USH2A: variants seen among roughly 807,000 people sequenced by gnomAD.
The protein encoded by USH2A is usherin.
A neutral mutation model predicts 538.9 loss-of-function variants in USH2A; 443 were observed. That is an observed-to-expected ratio of 0.82 (90% confidence interval 0.76 to 0.89). USH2A has a LOEUF of 0.89. Among genes scored for constraint, USH2A ranks in the 40% least tolerant of loss-of-function variants. USH2A has a pLI of 0.00. For missense variants in USH2A, 6,633 were observed against 6,324.8 expected, an observed-to-expected ratio of 1.05 and a Z score of -1.65; for synonymous variants, 2,413 against 2,273.5, an observed-to-expected ratio of 1.06 and a Z score of -1.75.
intron 9 of USH2A, among the ~76,000 whole-genome samples, chr1:216,317,611 T>G (rs1571694760): frequency 6.6e-6 from 1 of 151,190 alleles, no homozygotes. Flanking sequence ...ACTTTGGGAG[T>G]CCGAGGCAGG....
At chr1:215,819,288 A>G (rs1237138406) in intron 47 of USH2A, among the ~76,000 whole-genome samples, 2 of 151,796 alleles carry the variant, frequency 1.3e-5, no homozygotes, top group Non-Finnish European at 3.0e-5. Flanking sequence ...TTTGCAGGCC[A>G]AATTACTGGA....
At chr1:216,419,854 A>C (rs1048288750) in intron 2 of USH2A, among the ~76,000 whole-genome samples, 7 of 151,982 alleles carry the variant, frequency 4.6e-5, no homozygotes, top group African/African-American at 1.7e-4. Context: ...TGCATCTATC[A>C]CTTGCATCTA....
intron 41 of USH2A, among the ~76,000 whole-genome samples, chr1:215,886,861 T>A: frequency 6.7e-6 from 1 of 150,234 alleles, no homozygotes; most frequent in Non-Finnish European, 1.5e-5. Flanking sequence ...AAAATACTTA[T>A]TTTTTTTTTC....
intron 4 of USH2A, among the ~76,000 whole-genome samples, chr1:216,360,198 A>G (rs2038465389): frequency 6.6e-6 from 1 of 152,124 alleles, no homozygotes; most frequent in South Asian, 2.1e-4. Flanking sequence ...CAACTATGCT[A>G]TATCTAACCA....
intron 37 of USH2A, among the ~76,000 whole-genome samples, chr1:215,947,609 T>A (rs1414585692): frequency 6.6e-6 from 1 of 152,126 alleles, no homozygotes; most frequent in Non-Finnish European, 1.5e-5. Context: ...ACAGATTCTG[T>A]TTAATACATT....
intron 46 of USH2A, among the ~76,000 whole-genome samples, chr1:215,843,979 A>T (rs1663768988): frequency 6.6e-6 from 1 of 152,192 alleles, no homozygotes; most frequent in African/African-American, 2.4e-5. Flanking sequence ...GATTTCAGTA[A>T]AAGATCCTGG....
chr1:215,713,840 A>G (rs1365513544), intron 61 of USH2A, among the ~76,000 whole-genome samples: 1 of 152,212 alleles, frequency 6.6e-6, no homozygotes, highest in Non-Finnish European at 1.5e-5. Flanking sequence ...TTGTTCCACT[A>G]GGCTGAAACT....
chr1:216,368,259 T>C (rs972855273), intron 3 of USH2A, among the ~76,000 whole-genome samples: 6 of 152,008 alleles, frequency 3.9e-5, no homozygotes, highest in African/African-American at 1.4e-4. Flanking sequence ...ATTCTCATGC[T>C]AGATTAGTGA....
At chr1:215,625,977 CTT>C (rs890023229) in intron 71 of USH2A, 107 bp from the exon 72 acceptor site, 1 of 1,095,358 alleles carries the variant, frequency 9.1e-7, no homozygotes, top group African/African-American at 1.6e-5. Flanking sequence ...GTATTAAAGG[CTT>C]TTTTATTCTC....
intron 5 of USH2A, 78 bp downstream of exon 5, chr1:216,327,513 C>T (rs1359872685): frequency 1.2e-5 from 18 of 1,511,206 alleles, no homozygotes; most frequent in Non-Finnish European, 1.7e-5. Context: ...ATGGTATAAT[C>T]TACATAGTAT....
intron 32 of USH2A, among the ~76,000 whole-genome samples, chr1:216,001,929 T>C (rs1001994766): frequency 1.3e-5 from 2 of 152,148 alleles, no homozygotes; most frequent in Admixed American, 1.3e-4. Context: ...TTAAACCTTG[T>C]TTTCTTTACA....
intron 19 of USH2A, among the ~76,000 whole-genome samples, chr1:216,193,327 A>G (rs566095767): frequency 1.3e-5 from 2 of 152,128 alleles, no homozygotes; most frequent in South Asian, 2.1e-4. Context: ...TTGTGTATTC[A>G]TCATGAGATA....
At chr1:215,647,751 T>TAG in intron 66 of USH2A, 21 bp from the exon 67 acceptor site, 2 of 1,612,910 alleles carry the variant, frequency 1.2e-6, no homozygotes, top group South Asian at 2.2e-5. Flanking sequence ...AATGGATACG[T>TAG]AGAGTCAAGA....
intron 11 of USH2A, among the ~76,000 whole-genome samples, chr1:216,280,851 C>T (rs1373611485): frequency 2.0e-5 from 3 of 152,298 alleles, no homozygotes; most frequent in Middle Eastern, 6.8e-3. Context: ...GGGCTGGCTT[C>T]ATTCCTAAGT....
intron 3 of USH2A, among the ~76,000 whole-genome samples, chr1:216,378,082 A>G (rs1009674482): frequency 4.6e-5 from 7 of 152,098 alleles, no homozygotes; most frequent in African/African-American, 1.7e-4. Context: ...CAGGAAAAAA[A>G]TTTCTTGGTG....
At chr1:216,043,817 A>G (rs1446389899) in intron 32 of USH2A, among the ~76,000 whole-genome samples, 1 of 152,100 alleles carries the variant, frequency 6.6e-6, no homozygotes, top group African/African-American at 2.4e-5. Flanking sequence ...GAGACCTGCC[A>G]TTAGCTGCAC....
intron 16 of USH2A, among the ~76,000 whole-genome samples, chr1:216,202,165 G>A (rs1162047411): frequency 6.6e-6 from 1 of 152,198 alleles, no homozygotes; most frequent in Non-Finnish European, 1.5e-5. Flanking sequence ...ATAAATTTCA[G>A]TGCTGAATAT....
chr1:216,134,307 A>G (rs751724317), intron 21 of USH2A, among the ~76,000 whole-genome samples: 2 of 152,140 alleles, frequency 1.3e-5, no homozygotes, highest in Non-Finnish European at 2.9e-5. Flanking sequence ...GGGAATTCAC[A>G]CATGAAACCC....
intron 37 of USH2A, among the ~76,000 whole-genome samples, chr1:215,956,399 T>C (rs1667070401): frequency 6.6e-6 from 1 of 152,238 alleles, no homozygotes; most frequent in Admixed American, 6.5e-5. Flanking sequence ...AAAATTTCTC[T>C]AAATAGGAGA....
Sources: gnomAD v4.1 joint callset for allele counts (sites outside exome capture counted in the v4.1 genomes callset) on GRCh38, gnomAD v4.1.1 for gene constraint, MANE v1.5 for transcripts, NCBI Gene and HGNC (gene_info 2026-07-23, HGNC 2026-07-21) for gene names.